Variants in NRG1 observed in about 807,000 individuals in gnomAD.
NRG1 encodes the protein pro-neuregulin-1, membrane-bound isoform.
Under a neutral mutation model 63.8 loss-of-function variants are expected in NRG1, and 18 were observed. That is an observed-to-expected ratio of 0.28 (90% CI 0.19 to 0.42). The LOEUF is 0.42. Ranked by LOEUF, NRG1 falls within the 10% of genes least tolerant of loss-of-function variation. The pLI, the probability that NRG1 is intolerant of heterozygous loss-of-function variation, is 1.00. For synonymous variants in NRG1, 302 were observed against 301.3 expected (o/e 1.00, Z -0.02); for missense variants, 762 against 814.7 (o/e 0.94, Z 0.79).
At chr8:31,788,110 C>T (rs1820355551) in intron 1 of NRG1, among the ~76,000 whole-genome samples, 1 of 151,974 alleles carries the variant, frequency 6.6e-6, no homozygotes, top group African/African-American at 2.4e-5. Flanking sequence ...TCTATTTTAT[C>T]TTGTATCTGT....
intron 1 of NRG1, among the ~76,000 whole-genome samples, chr8:32,241,305 G>T (rs779445303): frequency 6.6e-6 from 1 of 152,128 alleles, no homozygotes. Context: ...TAAGTAAAAT[G>T]CAATGCAATA....
intron 5 of NRG1, among the ~76,000 whole-genome samples, chr8:32,678,503 ACT>A (rs1395309150): frequency 6.6e-6 from 1 of 151,852 alleles, no homozygotes; most frequent in Non-Finnish European, 1.5e-5. Context: ...TGACTTTCTC[ACT>A]CTGAGTCCAA....
In NRG1 at chr8:32,459,542, T is replaced by A. The variant is rs566761704; in HGVS notation, c.38-136286T>A. On this transcript the variant is annotated intron_variant, in intron 1 of 10. Coordinates refer to the NRG1 transcript ENST00000519301. Reference sequence around the variant, plus strand: ...TCCCAGCTACTCCAGGAGGCTGAGGTGGGAGGATTGCTGGGAGTTCAAGAC... The same window carrying A: ...TCCCAGCTACTCCAGGAGGCTGAGGAGGGAGGATTGCTGGGAGTTCAAGAC... Among the ~76,000 whole-genome samples the A allele has an allele frequency of 2.0e-5, 3 of 150,954 alleles. No individual in the cohort carries two copies. The East Asian group carries it at 5.9e-4, about 29-fold the overall frequency.
chr8:31,701,110 A>C (rs758274806), intron 1 of NRG1, among the ~76,000 whole-genome samples: 4 of 152,170 alleles, frequency 2.6e-5, no homozygotes, highest in Non-Finnish European at 5.9e-5. Flanking sequence ...TGATATATTC[A>C]TATCTTACAT....
At chr8:32,323,388 A>G (rs1473499829) in intron 1 of NRG1, among the ~76,000 whole-genome samples, 1 of 152,180 alleles carries the variant, frequency 6.6e-6, no homozygotes, top group Admixed American at 6.5e-5. Flanking sequence ...TTCTTTTGGA[A>G]AAAAATAAAG....
At chr8:31,914,427 A>G (rs1833210265) in intron 1 of NRG1, among the ~76,000 whole-genome samples, 1 of 149,576 alleles carries the variant, frequency 6.7e-6, no homozygotes. Context: ...TTTTTTGAAG[A>G]TGACTGCTGC....
intron 1 of NRG1, among the ~76,000 whole-genome samples, chr8:32,379,314 T>A (rs763400587): frequency 3.3e-5 from 5 of 151,704 alleles, no homozygotes; most frequent in Non-Finnish European, 5.9e-5. Flanking sequence ...CAGGGAAGAT[T>A]AAAACTCATT....
chr8:32,481,769 G>A (rs1013750887), intron 1 of NRG1, among the ~76,000 whole-genome samples: 4 of 152,182 alleles, frequency 2.6e-5, no homozygotes, highest in Admixed American at 2.0e-4. Context: ...TGGACTTTCC[G>A]AAGGTGCTGG....
intron 5 of NRG1, among the ~76,000 whole-genome samples, chr8:32,718,846 C>G (rs1189908060): frequency 1.3e-5 from 2 of 152,108 alleles, no homozygotes; most frequent in Non-Finnish European, 2.9e-5. Context: ...CCTGACTGAC[C>G]TAACTGATTG....
chr8:32,011,419 C>T (rs1217800645), intron 1 of NRG1, among the ~76,000 whole-genome samples: 1 of 152,086 alleles, frequency 6.6e-6, no homozygotes, highest in East Asian at 1.9e-4. Context: ...ACACTTCAAC[C>T]TCCAGCCCAT....
At chr8:32,437,775 GGACA>G (rs1818973966) in intron 1 of NRG1, among the ~76,000 whole-genome samples, 1 of 151,986 alleles carries the variant, frequency 6.6e-6, no homozygotes, top group African/African-American at 2.4e-5. Flanking sequence ...GTTTTCAGTA[GGACA>G]TATCTGATGG....
intron 1 of NRG1, among the ~76,000 whole-genome samples, chr8:32,125,072 C>T (rs1407707036): frequency 1.3e-5 from 2 of 151,786 alleles, no homozygotes; most frequent in Non-Finnish European, 2.9e-5. Flanking sequence ...GCCCTTTTTG[C>T]CTTTCTATCT....
chr8:32,100,152 CT>C (rs1359491065), intron 1 of NRG1, among the ~76,000 whole-genome samples: 1 of 151,848 alleles, frequency 6.6e-6, no homozygotes, highest in Non-Finnish European at 1.5e-5. Flanking sequence ...TCTCTTCTTC[CT>C]CCTTTCTGCC....
In NRG1 at chr8:32,432,288, G is replaced by C. The variant is rs150947838; in HGVS notation, c.38-163540G>C. Among the ~76,000 whole-genome samples the C allele has an allele frequency of 8.1e-4, 123 of 152,214 alleles. 1 individual carries two copies. The highest frequency in any genetic ancestry group is 1.5e-3 in the Non-Finnish European group (102 of 68,012). ...TTGAAAGCTAACTATGTACTAAACA[G>C]TGTTCTAGGCATATTTTACATTTAT... On this transcript the variant is annotated intron_variant, in intron 1 of 10. Coordinates refer to the NRG1 transcript ENST00000519301.
chr8:32,045,172 A>G (rs1382662201), intron 1 of NRG1, among the ~76,000 whole-genome samples: 2 of 151,892 alleles, frequency 1.3e-5, no homozygotes, highest in African/African-American at 4.8e-5. Context: ...TTATGTGTTT[A>G]TTTATGTATA....
intron 1 of NRG1, among the ~76,000 whole-genome samples, chr8:32,029,125 TAAAGA>T (rs1013715552): frequency 2.7e-4 from 41 of 152,352 alleles, no homozygotes; most frequent in African/African-American, 9.4e-4. Context: ...CAAATTTGAT[TAAAGA>T]AAACAAAGTA....
intron 1 of NRG1, among the ~76,000 whole-genome samples, chr8:31,825,417 G>T (rs2129604336): frequency 6.6e-6 from 1 of 152,134 alleles, no homozygotes. Flanking sequence ...TTATACTTAA[G>T]TTTTTCTAGC....
chr8:32,689,499 T>G (rs982207444), intron 5 of NRG1, among the ~76,000 whole-genome samples: 1 of 152,190 alleles, frequency 6.6e-6, no homozygotes, highest in African/African-American at 2.4e-5. Flanking sequence ...TATTTACCTT[T>G]TATATTCTTG....
intron 4 of NRG1, among the ~76,000 whole-genome samples, chr8:32,615,882 A>G (rs368981016): frequency 8.9e-6 from 1 of 112,130 alleles, no homozygotes; most frequent in Admixed American, 9.1e-5. Flanking sequence ...AGAGAAAAAA[A>G]GAAAAAAAAT....
Sources: gnomAD v4.1 joint callset for allele counts (sites outside exome capture counted in the v4.1 genomes callset) on GRCh38, gnomAD v4.1.1 for gene constraint, MANE v1.5 for transcripts, NCBI Gene and HGNC (gene_info 2026-07-23, HGNC 2026-07-21) for gene names.